MAP4K5: variants seen among roughly 807,000 people sequenced by gnomAD.
MAP4K5 encodes MAPK/ERK kinase kinase kinase 5.
A neutral mutation model predicts 135.6 loss-of-function variants in MAP4K5; 82 were observed. The observed-to-expected ratio is 0.60, with a 90% CI of 0.51 to 0.73. MAP4K5 has a LOEUF of 0.73. Among genes scored for constraint, MAP4K5 ranks in the 30% least tolerant of loss-of-function variants. MAP4K5 has a pLI of 0.00. For missense variants in MAP4K5, 907 were observed against 1,010.9 expected (o/e 0.90, Z 1.39); for synonymous variants, 347 against 335.0 (o/e 1.04, Z -0.39).
At position 50,418,628 on chromosome 14, in the gene MAP4K5, A is replaced by C. The variant is rs2035656767; in HGVS notation, c.*1391T>G. The C allele has an allele frequency of 6.6e-6, 1 of 152,666 alleles. No individual in the cohort carries two copies. The highest frequency in any genetic ancestry group is 2.1e-4 in the South Asian group (1 of 4,832). 9.5% of individuals were successfully genotyped at this position (152,666 alleles called of 1,614,324 possible). On this transcript the variant is annotated 3_prime_UTR_variant, in exon 33 of 33. Coordinates refer to ENST00000682126, the MANE Select transcript of MAP4K5 (RefSeq NM_006575.6). ...CTAACTTGCTGTGTAAATTGGATAG[A>C]TCTCTTAACCTTGCTAAACCCTTAC...
chr14:50,490,886 A>T (rs2037468917), intron 3 of MAP4K5, among the ~76,000 whole-genome samples: 1 of 152,226 alleles, frequency 6.6e-6, no homozygotes, highest in South Asian at 2.1e-4. Context: ...CATAGTAAGA[A>T]AAAAGTAGAA....
chr14:50,531,903 A>C (rs1310118708), intron 2 of MAP4K5, 39 bp downstream of exon 2: 2 of 1,375,164 alleles, frequency 1.5e-6, no homozygotes, highest in Admixed American at 3.9e-5. Context: ...CCCGGGACCC[A>C]GTCGACCGCA....
intron 6 of MAP4K5, among the ~76,000 whole-genome samples, 175 bp downstream of exon 6, chr14:50,482,186 A>G (rs763003055): frequency 1.3e-5 from 2 of 152,254 alleles, no homozygotes; most frequent in Non-Finnish European, 2.9e-5. Flanking sequence ...AAAGAAAAAT[A>G]ACTAGTTTTA....
intron 3 of MAP4K5, among the ~76,000 whole-genome samples, chr14:50,501,232 T>C (rs951646275): frequency 6.6e-6 from 1 of 152,136 alleles, no homozygotes; most frequent in Non-Finnish European, 1.5e-5. Context: ...AGTATAAATA[T>C]GCAAATTTCA....
intron 3 of MAP4K5, among the ~76,000 whole-genome samples, chr14:50,500,419 G>A (rs1362177165): frequency 6.6e-6 from 1 of 152,176 alleles, no homozygotes; most frequent in Non-Finnish European, 1.5e-5. Flanking sequence ...CAAAAGGGAA[G>A]AATTGCTTTA....
chr14:50,503,533 A>G (rs944883479), intron 3 of MAP4K5, among the ~76,000 whole-genome samples: 4 of 152,078 alleles, frequency 2.6e-5, no homozygotes, highest in African/African-American at 9.7e-5. Flanking sequence ...TAGTTCTAAT[A>G]TATGGCTTAT....
At chr14:50,421,042 A>C (rs2035718663) in intron 32 of MAP4K5, among the ~76,000 whole-genome samples, 1 of 152,116 alleles carries the variant, frequency 6.6e-6, no homozygotes, top group Admixed American at 6.5e-5. Context: ...CTAGTGTATG[A>C]ATTTTCTATA....
intron 16 of MAP4K5, among the ~76,000 whole-genome samples, chr14:50,447,146 T>C (rs2036372522): frequency 6.6e-6 from 1 of 152,216 alleles, no homozygotes; most frequent in African/African-American, 2.4e-5. Context: ...TTTTTAACTC[T>C]GTTACAGTAT....
chr14:50,498,184 C>T (rs1293984360), intron 3 of MAP4K5, among the ~76,000 whole-genome samples: 1 of 152,146 alleles, frequency 6.6e-6, no homozygotes, highest in East Asian at 1.9e-4. Flanking sequence ...TGAACCATCA[C>T]AGTATCTGCC....
chr14:50,424,224 A>T (rs570262463), intron 31 of MAP4K5, among the ~76,000 whole-genome samples: 56 of 152,246 alleles, frequency 3.7e-4, no homozygotes, highest in Middle Eastern at 3.4e-3. Flanking sequence ...GGAAAATAGA[A>T]TTAATAAGCT....
intron 1 of MAP4K5, among the ~76,000 whole-genome samples, chr14:50,543,122 T>C (rs766565761): frequency 7.2e-5 from 11 of 152,248 alleles, no homozygotes; most frequent in Non-Finnish European, 1.3e-4. Flanking sequence ...TCAGCCTCTT[T>C]ACACAGTCAC....
Position 50,447,490 on chromosome 14 carries a change from A to C in MAP4K5, c.1075-9T>G. 6.7e-7 allele frequency: 1 copy of C among 1,484,754 alleles called. No homozygotes were observed. The highest frequency in any genetic ancestry group is 9.1e-7 in the Non-Finnish European group (1 of 1,092,938). The allele number at this position is 1,484,754 out of a possible 1,614,324, so 92.0% of individuals were successfully genotyped here. On this transcript the variant is annotated splice_polypyrimidine_tract_variant and intron_variant, in intron 15 of 32. Transcript: ENST00000682126. ...GGGTCTGATGACAATCCCTGTAAAGATAAAAATATAGTTTAAAATGTTACT... is the reference window on the plus strand; with the variant it reads ...GGGTCTGATGACAATCCCTGTAAAGCTAAAAATATAGTTTAAAATGTTACT...
chr14:50,498,018 A>G (rs1267146590), intron 3 of MAP4K5, among the ~76,000 whole-genome samples: 4 of 152,150 alleles, frequency 2.6e-5, no homozygotes, highest in African/African-American at 7.2e-5. Context: ...AGGGAAGGGA[A>G]AGTAGGATTC....
At chr14:50,436,963 T>TC (rs2036108500) in intron 26 of MAP4K5, among the ~76,000 whole-genome samples, 1 of 152,168 alleles carries the variant, frequency 6.6e-6, no homozygotes, top group African/African-American at 2.4e-5. Flanking sequence ...CTATATTTTT[T>TC]CCCTGTTCTA....
At chr14:50,438,241 G>A in intron 23 of MAP4K5, 147 bp from the exon 24 acceptor site, 1 of 455,414 alleles carries the variant, frequency 2.2e-6, no homozygotes, top group Non-Finnish European at 4.0e-6. Flanking sequence ...ATATAAATTA[G>A]GTACTAATAG....
chr14:50,433,845 G>A (rs562199462), intron 28 of MAP4K5, among the ~76,000 whole-genome samples: 2 of 152,156 alleles, frequency 1.3e-5, no homozygotes, highest in African/African-American at 4.8e-5. Context: ...CACATATTAT[G>A]CAGATTTAAA....
intron 2 of MAP4K5, among the ~76,000 whole-genome samples, chr14:50,519,322 G>T (rs773578901): frequency 7.9e-5 from 12 of 151,894 alleles, no homozygotes; most frequent in Non-Finnish European, 1.8e-4. Flanking sequence ...CTTGGTAAAG[G>T]AGACACAAGT....
rs2036314190 is a variant in MAP4K5, at chr14:50,445,100, T to G, written c.1280A>C (p.Gln427Pro). The G allele has an allele frequency of 6.2e-7, 1 of 1,613,592 alleles. No homozygotes were observed. Among genetic ancestry groups the G allele is most frequent in the Non-Finnish European group, 8.5e-7 (1 of 1,179,718 alleles). Residue 427 changes from glutamine to proline, a missense_variant, in exon 18 of 33, where the codon CAA (glutamine) becomes CCA (proline). Around this residue, in one of 3 missense-constraint regions of MAP4K5, gnomAD observed 690 missense variants for 777.4 expected, o/e 0.89. Coordinates refer to ENST00000682126, the MANE Select transcript of MAP4K5 (RefSeq NM_006575.6). ...TGGGCTACTCTGTCTTCTGAGAATT[T>G]GGGGAGCTCTGCTTTCTGAATCAGG... ...HCPDSESRAP[Q>P]ILRRQSSPSC...
chr14:50,450,212 G>C (rs1466133861), intron 14 of MAP4K5: 2 of 152,168 alleles, frequency 1.3e-5, no homozygotes, highest in Non-Finnish European at 2.9e-5. Context: ...CTCCCAAGGT[G>C]CTGGGATTAC....
Sources: gnomAD v4.1 joint callset for allele counts (sites outside exome capture counted in the v4.1 genomes callset) on GRCh38, gnomAD v4.1.1 for gene constraint, gnomAD v4.1.1 regional missense constraint, MANE v1.5 for transcripts, NCBI Gene and HGNC (gene_info 2026-07-23, HGNC 2026-07-21) for gene names.